TFEC: variants seen among roughly 807,000 people sequenced by gnomAD.
TFEC encodes the protein class E basic helix-loop-helix protein 34.
A neutral mutation model predicts 41.6 loss-of-function variants in TFEC; 31 were observed. The observed-to-expected ratio is 0.74, with a 90% confidence interval of 0.56 to 1.01. The LOEUF is 1.01. Among genes scored for constraint, TFEC ranks in the 50% least tolerant of loss-of-function variants. TFEC has a pLI of 0.00. For synonymous variants in TFEC, 143 were observed against 140.6 expected (o/e 1.02, Z -0.12); for missense variants, 402 against 404.1 (o/e 0.99, Z 0.04).
In TFEC at chr7:115,936,264, T is replaced by C. The variant is rs1236865728; in HGVS notation, c.*4287A>G. ...GTAATGAAATCTCTGTATATATGTA[T>C]ACTAAGTCAAACTGACATACTTATC... On this transcript the variant is annotated 3_prime_UTR_variant, in exon 8 of 8. Transcript: ENST00000265440. The C allele has an allele frequency of 6.6e-6, 1 of 151,620 alleles. No homozygotes were observed. Among genetic ancestry groups the C allele is most frequent in the African/African-American group, 2.4e-5 (1 of 41,400 alleles). 9.4% of individuals were successfully genotyped at this position (151,620 alleles called of 1,614,324 possible).
At chr7:115,953,167 G>GA (rs1792039496) in intron 5 of TFEC, among the ~76,000 whole-genome samples, 1 of 152,046 alleles carries the variant, frequency 6.6e-6, no homozygotes, top group Non-Finnish European at 1.5e-5. Context: ...AGGGGGTGCA[G>GA]AAAGAACAGT....
At chr7:115,953,793 G>A (rs1441405980) in intron 5 of TFEC, among the ~76,000 whole-genome samples, 2 of 152,068 alleles carry the variant, frequency 1.3e-5, no homozygotes, top group Non-Finnish European at 2.9e-5. Context: ...GGTGCTTTAT[G>A]AACAGATGCA....
intron 1 of TFEC, among the ~76,000 whole-genome samples, chr7:115,989,293 C>A (rs1481684696): frequency 6.6e-6 from 1 of 152,034 alleles, no homozygotes; most frequent in African/African-American, 2.4e-5. Flanking sequence ...CCAAGATGGC[C>A]AAATAGGAGC....
chr7:115,961,047 A>G (rs1027608441), intron 3 of TFEC, among the ~76,000 whole-genome samples: 4 of 151,664 alleles, frequency 2.6e-5, no homozygotes, highest in Non-Finnish European at 4.4e-5. Flanking sequence ...TACACCAAAA[A>G]TAGTGGAAGA....
At chr7:116,117,696 T>G (rs559403916) in intron 1 of TFEC, 1 of 151,900 alleles carries the variant, frequency 6.6e-6, no homozygotes, top group African/African-American at 2.4e-5. Flanking sequence ...ATTACAAATC[T>G]GTATTTTGAT....
At chr7:116,056,922 C>T (rs953970629) in intron 3 of TFEC, among the ~76,000 whole-genome samples, 2 of 151,928 alleles carry the variant, frequency 1.3e-5, no homozygotes, top group Non-Finnish European at 2.9e-5. Flanking sequence ...ACAGTTATAA[C>T]AACTGTATTC....
At chr7:116,110,826 T>G in exon 3 of TFEC, 1 of 1,548,770 alleles carries the variant, frequency 6.5e-7, no homozygotes, top group Non-Finnish European at 8.7e-7. Flanking sequence ...ACTGATTTCC[T>G]GGCTGATTTG....
At chr7:115,972,775 T>C (rs755382740) in intron 3 of TFEC, among the ~76,000 whole-genome samples, 39 of 152,160 alleles carry the variant, frequency 2.6e-4, no homozygotes, top group Non-Finnish European at 5.0e-4. Context: ...CATCACCAAT[T>C]TTTTACTGAG....
chr7:115,986,934 G>C (rs573614756), intron 1 of TFEC, among the ~76,000 whole-genome samples: 1 of 151,854 alleles, frequency 6.6e-6, no homozygotes, highest in East Asian at 1.9e-4. Flanking sequence ...AACATAAAAA[G>C]AAAATCTCAA....
At chr7:116,017,947 G>C (rs1425619390) in intron 1 of TFEC, among the ~76,000 whole-genome samples, 1 of 151,868 alleles carries the variant, frequency 6.6e-6, no homozygotes, top group Middle Eastern at 3.2e-3. Context: ...CAAGCAATTT[G>C]TCTCTCTTTA....
chr7:116,114,443 T>G (rs1797928186), intron 1 of TFEC, among the ~76,000 whole-genome samples: 1 of 152,038 alleles, frequency 6.6e-6, no homozygotes, highest in African/African-American at 2.4e-5. Flanking sequence ...TCAGTAGATG[T>G]ACGTAAGCCC....
At chr7:115,961,610 G>A (rs1346103214) in intron 3 of TFEC, among the ~76,000 whole-genome samples, 1 of 151,494 alleles carries the variant, frequency 6.6e-6, no homozygotes, top group Admixed American at 6.6e-5. Context: ...ACCAAAGCTT[G>A]TTTTTGTTTG....
intron 6 of TFEC, among the ~76,000 whole-genome samples, chr7:115,949,209 G>T (rs367819961): frequency 6.6e-6 from 1 of 151,948 alleles, no homozygotes. Context: ...AGCATACAAA[G>T]AAATGGAAGA....
chr7:115,986,059 T>C (rs190445915), intron 1 of TFEC, among the ~76,000 whole-genome samples: 5 of 152,312 alleles, frequency 3.3e-5, no homozygotes, highest in Admixed American at 2.0e-4. Context: ...AATTCATTTT[T>C]TACTTTTCAT....
chr7:116,089,728 G>C (rs189875589), intron 3 of TFEC, among the ~76,000 whole-genome samples: 24 of 152,200 alleles, frequency 1.6e-4, no homozygotes, highest in Non-Finnish European at 7.4e-5. Flanking sequence ...AAAGACAAAG[G>C]AAAGTATCTC....
intron 3 of TFEC, among the ~76,000 whole-genome samples, chr7:116,086,376 AC>A (rs1049417538): frequency 2.4e-4 from 36 of 151,890 alleles, no homozygotes; most frequent in African/African-American, 8.4e-4. Context: ...AGAAAAGCCA[AC>A]TCCAAATAAC....
At chr7:115,969,124 G>A (rs549176091) in intron 3 of TFEC, among the ~76,000 whole-genome samples, 78 of 151,804 alleles carry the variant, frequency 5.1e-4, no homozygotes, top group African/African-American at 1.8e-3. Context: ...GTGAATTTTA[G>A]TCATTTATTT....
intron 3 of TFEC, among the ~76,000 whole-genome samples, chr7:116,107,349 T>A (rs1797744212): frequency 6.6e-6 from 1 of 152,214 alleles, no homozygotes; most frequent in African/African-American, 2.4e-5. Flanking sequence ...ACTTACCATC[T>A]TGGTCATAAT....
chr7:116,141,090 T>C (rs932192627), intron 1 of TFEC, among the ~76,000 whole-genome samples: 3 of 152,190 alleles, frequency 2.0e-5, no homozygotes, highest in African/African-American at 7.2e-5. Context: ...TGCATACCTA[T>C]TAAAATTTAA....
Sources: gnomAD v4.1 joint callset for allele counts (sites outside exome capture counted in the v4.1 genomes callset) on GRCh38, gnomAD v4.1.1 for gene constraint, MANE v1.5 for transcripts, NCBI Gene and HGNC (gene_info 2026-07-23, HGNC 2026-07-21) for gene names.